Variants in ULK4 observed in about 807,000 individuals in gnomAD.
ULK4 encodes unc-51 like kinase 4.
Under a neutral mutation model 160.6 loss-of-function variants are expected in ULK4, and 133 were observed. That is an observed-to-expected ratio of 0.83 (90% CI 0.72 to 0.96). ULK4 has a LOEUF of 0.96. Among genes scored for constraint, ULK4 ranks in the 40% least tolerant of loss-of-function variants. The pLI, the probability that ULK4 is intolerant of heterozygous loss-of-function variation, is 0.00. For missense variants in ULK4, 1,580 were observed against 1,499.5 expected (o/e 1.05, Z -0.89); for synonymous variants, 534 against 539.8 (o/e 0.99, Z 0.15).
intron 35 of ULK4, among the ~76,000 whole-genome samples, chr3:41,328,996 C>T (rs1239724873): frequency 6.6e-6 from 1 of 152,152 alleles, no homozygotes; most frequent in Non-Finnish European, 1.5e-5. Context: ...TTCACCACCA[C>T]AATCAAGATA....
At chr3:41,790,937 A>C (rs1313007294) in intron 20 of ULK4, among the ~76,000 whole-genome samples, 2 of 152,198 alleles carry the variant, frequency 1.3e-5, no homozygotes, top group Non-Finnish European at 2.9e-5. Flanking sequence ...ACTCATTATA[A>C]TATCATATAA....
chr3:41,843,898 T>G (rs1414144017), intron 17 of ULK4, among the ~76,000 whole-genome samples: 1 of 152,086 alleles, frequency 6.6e-6, no homozygotes, highest in African/African-American at 2.4e-5. Flanking sequence ...ACAAAGGTTC[T>G]CCACGTCCCC....
intron 35 of ULK4, among the ~76,000 whole-genome samples, chr3:41,346,097 G>C (rs1399651409): frequency 6.6e-6 from 1 of 152,104 alleles, no homozygotes; most frequent in Non-Finnish European, 1.5e-5. Context: ...AGTCAAGAAG[G>C]ACTTCGTAAG....
At chr3:41,665,313 T>C (rs764443911) in intron 29 of ULK4, among the ~76,000 whole-genome samples, 1 of 152,000 alleles carries the variant, frequency 6.6e-6, no homozygotes, top group Non-Finnish European at 1.5e-5. Flanking sequence ...AACCAATGAA[T>C]TGTAAGAAGT....
At chr3:41,301,711 A>G (rs1489800070) in intron 35 of ULK4, among the ~76,000 whole-genome samples, 2 of 152,178 alleles carry the variant, frequency 1.3e-5, no homozygotes, top group African/African-American at 4.8e-5. Context: ...CATAAAATCA[A>G]AAGGCTGAAT....
intron 18 of ULK4, among the ~76,000 whole-genome samples, chr3:41,832,206 T>C (rs1242964823): frequency 2.0e-5 from 3 of 152,186 alleles, no homozygotes; most frequent in Non-Finnish European, 4.4e-5. Flanking sequence ...AGCATTTTTG[T>C]TTCTTGACTT....
intron 12 of ULK4, among the ~76,000 whole-genome samples, chr3:41,902,302 G>A (rs1056095377): frequency 1.3e-5 from 2 of 151,924 alleles, no homozygotes; most frequent in Non-Finnish European, 2.9e-5. Context: ...AAAAGAGGCC[G>A]GGTGCAGTGG....
intron 35 of ULK4, among the ~76,000 whole-genome samples, chr3:41,272,148 C>T (rs2079148267): frequency 6.6e-6 from 1 of 152,076 alleles, no homozygotes; most frequent in African/African-American, 2.4e-5. Context: ...AACAACTGAC[C>T]TCAAGTGATC....
intron 21 of ULK4, among the ~76,000 whole-genome samples, chr3:41,779,992 A>G (rs1442575583): frequency 6.6e-6 from 1 of 150,612 alleles, no homozygotes; most frequent in Admixed American, 6.6e-5. Flanking sequence ...TAATAAAAAA[A>G]AAAAAAAAAA....
At chr3:41,764,099 C>G (rs2039078672) in intron 21 of ULK4, among the ~76,000 whole-genome samples, 1 of 151,656 alleles carries the variant, frequency 6.6e-6, no homozygotes, top group Admixed American at 6.6e-5. Context: ...TGACAAGAAG[C>G]AAAACATAAG....
intron 21 of ULK4, among the ~76,000 whole-genome samples, chr3:41,770,510 C>CTT (rs560284136): frequency 0.053 from 7,232 of 135,464 alleles, 436 homozygotes; most frequent in East Asian, 0.15. Context: ...TAGAAAGATA[C>CTT]TTTTTTTTTT....
intron 19 of ULK4, among the ~76,000 whole-genome samples, chr3:41,819,116 A>G (rs1004419517): frequency 1.3e-5 from 2 of 152,206 alleles, no homozygotes; most frequent in Non-Finnish European, 2.9e-5. Flanking sequence ...TAGTGTATCA[A>G]TAATTTTAAA....
At position 41,631,289 on chromosome 3, in the gene ULK4, C is replaced by T. The variant is rs145645838; in HGVS notation, c.3072-15572G>A. On this transcript the variant is annotated intron_variant, in intron 30 of 36. Coordinates refer to ENST00000301831, the MANE Select transcript of ULK4 (RefSeq NM_017886.4). ...AGTATAAATAAATTTTAGAACTGGT[C>T]ATTTTACAAAGATCTACAGCGTCCT... Among the ~76,000 whole-genome samples the T allele has an allele frequency of 1.1e-4, 17 of 152,246 alleles. No homozygotes were observed. In the East Asian group the frequency reaches 3.3e-3, roughly 29 times the overall value.
chr3:41,918,452 C>A lies in ULK4; in HGVS notation c.727+5G>T. The stretch of plus-strand genomic sequence containing the variant: ...ATTAATTCCATTTATCATAAGAAAT[C>A]TTACCTTTCGGAATAGGTGGCAAAG... On this transcript the variant is annotated splice_donor_5th_base_variant and intron_variant, in intron 7 of 36. Coordinates refer to ENST00000301831, the MANE Select transcript of ULK4 (RefSeq NM_017886.4). 1 of 1,560,956 alleles carries A rather than the reference C, an allele frequency of 6.4e-7. No homozygotes were observed. The highest frequency in any genetic ancestry group is 8.7e-7 in the Non-Finnish European group (1 of 1,150,600).
chr3:41,336,735 G>A (rs1435864572), intron 35 of ULK4, among the ~76,000 whole-genome samples: 1 of 152,160 alleles, frequency 6.6e-6, no homozygotes, highest in Non-Finnish European at 1.5e-5. Context: ...GGGATTGGAT[G>A]GTACCTGGAA....
chr3:41,544,436 A>G (rs1256070642), intron 32 of ULK4, among the ~76,000 whole-genome samples: 2 of 152,332 alleles, frequency 1.3e-5, no homozygotes, highest in Admixed American at 6.5e-5. Context: ...GGGCCTCAAC[A>G]TCAGCCAGAA....
At chr3:41,391,995 T>C (rs1472777014) in intron 35 of ULK4, among the ~76,000 whole-genome samples, 1 of 152,100 alleles carries the variant, frequency 6.6e-6, no homozygotes, top group African/African-American at 2.4e-5. Context: ...CGATAGCATA[T>C]ATTTAAGCCA....
chr3:41,953,285 C>CACATATACATATAT, intron 2 of ULK4, among the ~76,000 whole-genome samples: 1 of 85,928 alleles, frequency 1.2e-5, no homozygotes, highest in Non-Finnish European at 2.4e-5. Context: ...CATATATACA[C>CACATATACATATAT]ATATATATAT....
intron 2 of ULK4, among the ~76,000 whole-genome samples, chr3:41,951,727 G>T (rs1348516846): frequency 6.6e-6 from 1 of 152,192 alleles, no homozygotes; most frequent in Non-Finnish European, 1.5e-5. Context: ...TGTCCACTGT[G>T]GTGGTATTAG....
Sources: allele counts gnomAD v4.1 joint callset (sites outside exome capture counted in the v4.1 genomes callset), GRCh38; gene constraint gnomAD v4.1.1; transcripts MANE v1.5; gene names NCBI Gene and HGNC (gene_info 2026-07-23, HGNC 2026-07-21).